Variants in SORBS2 observed in about 807,000 individuals in gnomAD.
The protein encoded by SORBS2 is sorbin and SH3 domain containing 2.
A neutral mutation model predicts 97.7 loss-of-function variants in SORBS2; 46 were observed. The observed-to-expected ratio is 0.47, with a 90% CI of 0.37 to 0.60. The LOEUF (loss-of-function observed/expected upper bound fraction) is 0.60. Among genes scored for constraint, SORBS2 ranks in the 20% least tolerant of loss-of-function variants. The pLI, the probability that SORBS2 is intolerant of heterozygous loss-of-function variation, is 0.00. For missense variants in SORBS2, 1,316 were observed against 1,282.3 expected (o/e 1.03, Z -0.40); for synonymous variants, 476 against 473.4 (o/e 1.01, Z -0.07).
At chr4:185,649,389 G>T in intron 3 of SORBS2, 78 bp downstream of exon 12, 3 of 1,217,290 alleles carry the variant, frequency 2.5e-6, no homozygotes, top group South Asian at 1.7e-5. Context: ...CAGGTGCACT[G>T]ATTCTTCTAC....
intron 1 of SORBS2, among the ~76,000 whole-genome samples, chr4:185,781,379 A>G (rs1299305385): frequency 6.6e-6 from 1 of 152,250 alleles, no homozygotes; most frequent in Non-Finnish European, 1.5e-5. Flanking sequence ...TAAATCTGCT[A>G]TGAAAATTGT....
upstream of SORBS2, among the ~76,000 whole-genome samples, chr4:185,658,929 A>G (rs1191548190): frequency 6.6e-6 from 1 of 151,958 alleles, no homozygotes; most frequent in East Asian, 1.9e-4. Flanking sequence ...GATGGTCCTG[A>G]TCTCCTGACC....
intron 1 of SORBS2, among the ~76,000 whole-genome samples, chr4:185,890,792 G>T (rs1407277602): frequency 6.6e-6 from 1 of 152,208 alleles, no homozygotes; most frequent in African/African-American, 2.4e-5. Context: ...ACATGGGCCT[G>T]AACGTAGGAG....
chr4:185,885,219 T>C (rs1348344746), intron 1 of SORBS2, among the ~76,000 whole-genome samples: 2 of 152,164 alleles, frequency 1.3e-5, no homozygotes, highest in Non-Finnish European at 2.9e-5. Context: ...TCGTTGGGGA[T>C]GGGAAAGTTA....
chr4:185,701,437 G>A (rs947755507), intron 2 of SORBS2, among the ~76,000 whole-genome samples: 4 of 152,156 alleles, frequency 2.6e-5, no homozygotes, highest in African/African-American at 9.7e-5. Context: ...CATGGACAGA[G>A]ATACCCACTG....
At chr4:185,855,216 C>G (rs905020767) in intron 1 of SORBS2, among the ~76,000 whole-genome samples, 14 of 152,080 alleles carry the variant, frequency 9.2e-5, no homozygotes, top group Non-Finnish European at 2.1e-4. Context: ...GTAAGTGAGG[C>G]CTTCCCCTCT....
chr4:185,696,495 C>T (rs1260944420), intron 2 of SORBS2, among the ~76,000 whole-genome samples: 8 of 152,164 alleles, frequency 5.3e-5, no homozygotes, highest in Admixed American at 3.3e-4. Context: ...CACTCTGTTG[C>T]CCAGGCTGGA....
chr4:185,792,537 G>GGGAA lies in SORBS2; in HGVS notation c.-337-17175_-337-17172dup, dbSNP rs1177582913. On this transcript the variant is annotated intron_variant, in intron 1 of 20. Transcript: ENST00000284776. ...GAAAGAAGAGAGAGAGAGGGAGGGA[G>GGGAA]GGAAGGAAGGAAGGAAGGAAGGGGA... Among the ~76,000 whole-genome samples the GGGAA allele has an allele frequency of 4.6e-5, 7 of 151,236 alleles. No homozygotes were observed. The East Asian group carries it at 7.8e-4, about 17-fold the overall frequency.
rs986966008 is a variant in SORBS2 at position 185,666,012 on chromosome 4, G to T, written c.-45-3770C>A. 5.4e-6 allele frequency: 7 copies of T among 1,288,750 alleles called. No homozygotes were observed. The Admixed American group carries it at 1.4e-4, about 25-fold the overall frequency. The allele number at this position is 1,288,750 out of a possible 1,614,324, so 79.8% of individuals were successfully genotyped here. On this transcript the variant is annotated intron_variant, in intron 4 of 20. Transcript: ENST00000284776. ...GGGAAAGGCTCTGGGGATTATGCAG[G>T]CGTGAAGACCCCACACCATCGGGGG...
At chr4:185,656,569 A>T in intron 1 of SORBS2, 1 of 1,378,896 alleles carries the variant, frequency 7.3e-7, no homozygotes, top group Non-Finnish European at 1.0e-6. Context: ...TCTTGCTGCA[A>T]AGTATATGCA....
At chr4:185,681,367 A>G (rs2097863868) in intron 2 of SORBS2, among the ~76,000 whole-genome samples, 1 of 151,802 alleles carries the variant, frequency 6.6e-6, no homozygotes. Context: ...AGAAAGTATC[A>G]TGGATCCACA....
chr4:185,661,715 A>G (rs1212831373), upstream of SORBS2, among the ~76,000 whole-genome samples: 1 of 152,162 alleles, frequency 6.6e-6, no homozygotes, highest in Non-Finnish European at 1.5e-5. Flanking sequence ...TAACTGTCAA[A>G]CGATTCTCCC....
In SORBS2 at chr4:185,908,298, T is replaced by TATATATATATATTTGTATACACACAA. The variant is rs2099252507; in HGVS notation, c.-338+47897_-338+47898insTTGTGTGTATACAAATATATATATAT. Among the ~76,000 whole-genome samples, 5 of 95,348 alleles carry TATATATATATATTTGTATACACACAA rather than the reference T, an allele frequency of 5.2e-5. No individual in the cohort carries two copies. The East Asian group carries it at 6.4e-4, about 12-fold the overall frequency. 62.6% of individuals were successfully genotyped at this position (95,348 alleles called of 152,430 possible). Reference sequence around the variant, plus strand: ...AAGGCTATATATATATATATATATATATATATATATATATATATATATATT... The same window carrying TATATATATATATTTGTATACACACAA: ...AAGGCTATATATATATATATATATATATATATATATATTTGTATACACACAAATATATATATATATATATATATATT... On this transcript the variant is annotated intron_variant, in intron 1 of 20. Transcript: ENST00000284776.
At chr4:185,704,294 C>A (rs2098308326) in intron 2 of SORBS2, among the ~76,000 whole-genome samples, 1 of 152,086 alleles carries the variant, frequency 6.6e-6, no homozygotes, top group Non-Finnish European at 1.5e-5. Context: ...AGAATGCTAT[C>A]ATTCATTCAT....
chr4:185,777,760 G>C (rs2099006958), intron 1 of SORBS2, among the ~76,000 whole-genome samples: 1 of 151,552 alleles, frequency 6.6e-6, no homozygotes, highest in South Asian at 2.1e-4. Context: ...AGTGTAAAAT[G>C]CATGCTAGAT....
At chr4:185,744,277 G>T (rs1287648376) in intron 2 of SORBS2, among the ~76,000 whole-genome samples, 2 of 152,098 alleles carry the variant, frequency 1.3e-5, no homozygotes, top group Non-Finnish European at 2.9e-5. Flanking sequence ...GTACCCCATT[G>T]TATGCATTAT....
At chr4:185,619,347 T>C (rs1236525366) in intron 8 of SORBS2, among the ~76,000 whole-genome samples, 3 of 152,124 alleles carry the variant, frequency 2.0e-5, no homozygotes, top group Non-Finnish European at 4.4e-5. Context: ...CTCCATTCTT[T>C]TCCCCCATGA....
intron 2 of SORBS2, among the ~76,000 whole-genome samples, chr4:185,718,688 A>C (rs1432140046): frequency 6.6e-6 from 1 of 152,222 alleles, no homozygotes; most frequent in Non-Finnish European, 1.5e-5. Flanking sequence ...GTCAAGCAAC[A>C]AAACAATGCA....
At chr4:185,783,471 C>T (rs1005101801) in intron 1 of SORBS2, among the ~76,000 whole-genome samples, 4 of 152,176 alleles carry the variant, frequency 2.6e-5, no homozygotes, top group Non-Finnish European at 4.4e-5. Context: ...CATTGGTTTA[C>T]CTCTGTGCCT....
Sources: allele counts gnomAD v4.1 joint callset (sites outside exome capture counted in the v4.1 genomes callset), GRCh38; gene constraint gnomAD v4.1.1; transcripts MANE v1.5; gene names NCBI Gene and HGNC (gene_info 2026-07-23, HGNC 2026-07-21).